FAHD2B: variants seen among roughly 807,000 people sequenced by gnomAD.
The protein encoded by FAHD2B is oxaloacetate tautomerase FAHD2B, mitochondrial.
A neutral mutation model predicts 33.7 loss-of-function variants in FAHD2B; 26 were observed. The ratio of observed to expected loss-of-function variants is 0.77; its 90% CI spans 0.57 to 1.07. The LOEUF (loss-of-function observed/expected upper bound fraction) is 1.07, where lower values mean the gene tolerates loss of function less well. Among genes scored for constraint, FAHD2B ranks in the 50% least tolerant of loss-of-function variants. The pLI is 0.00. For synonymous variants in FAHD2B, 108 were observed against 150.9 expected (o/e 0.72, Z 2.08); for missense variants, 272 against 388.1 (o/e 0.70, Z 2.51).
chr2:97,090,457 A>C, intron 3 of FAHD2B, 132 bp from the exon 4 acceptor site: 4 of 1,458,390 alleles, frequency 2.7e-6, no homozygotes, highest in Non-Finnish European at 3.6e-6. Flanking sequence ...CAACCATCAG[A>C]GTCAGTGTGA....
chr2:97,081,411 G>A (rs1489764624), downstream of FAHD2B: 6 of 1,548,948 alleles, frequency 3.9e-6, no homozygotes, highest in Admixed American at 9.8e-5. Flanking sequence ...GCTCTCCTGA[G>A]GCCACATGGG....
intron 4 of FAHD2B, among the ~76,000 whole-genome samples, chr2:97,087,205 C>A (rs1384881931): frequency 6.6e-6 from 1 of 151,884 alleles, no homozygotes; most frequent in Non-Finnish European, 1.5e-5. Context: ...GCACCTGCCA[C>A]CACGCCTGGC....
intron 6 of FAHD2B, among the ~76,000 whole-genome samples, chr2:97,084,907 TG>T (rs1381891679): frequency 1.0e-5 from 1 of 98,096 alleles, no homozygotes; most frequent in African/African-American, 6.1e-5. Context: ...AGTAAGACCA[TG>T]CCAAAAAAAA....
chr2:97,084,986 G>GT (rs1258974631), intron 6 of FAHD2B, among the ~76,000 whole-genome samples: 2 of 151,892 alleles, frequency 1.3e-5, no homozygotes, highest in African/African-American at 4.8e-5. Context: ...GAAGCCTCGT[G>GT]TATCAGCCGC....
intron 1 of FAHD2B, among the ~76,000 whole-genome samples, chr2:97,092,849 T>C (rs1469036247): frequency 6.6e-6 from 1 of 150,472 alleles, no homozygotes; most frequent in African/African-American, 2.4e-5. Context: ...GGCGGGCACC[T>C]GTAATCCCAG....
chr2:97,089,778 A>G (rs2153383323), intron 4 of FAHD2B: 1 of 395,660 alleles, frequency 2.5e-6, no homozygotes, highest in Non-Finnish European at 4.7e-6. Flanking sequence ...TATGTACAGT[A>G]TAAACATATA....
intron 5 of FAHD2B, 28 bp downstream of exon 5, chr2:97,086,111 G>C (rs2031968150): frequency 6.2e-7 from 1 of 1,611,638 alleles, no homozygotes; most frequent in Non-Finnish European, 8.5e-7. Flanking sequence ...CTGCACTCTG[G>C]CCTGGGAGCC....
chr2:97,083,409 T>A (rs1191738617), downstream of FAHD2B, among the ~76,000 whole-genome samples: 3 of 152,120 alleles, frequency 2.0e-5, no homozygotes, highest in Admixed American at 6.6e-5. Flanking sequence ...CTCTTGCTTT[T>A]TCCCTCCTTT....
At chr2:97,091,292 T>C (rs1430447969) in intron 3 of FAHD2B, among the ~76,000 whole-genome samples, 170 bp downstream of exon 3, 1 of 138,736 alleles carries the variant, frequency 7.2e-6, no homozygotes, top group African/African-American at 2.7e-5. Flanking sequence ...AAACTGAAGA[T>C]GTTATTATGT....
chr2:97,082,142 G>A (rs1408717335), downstream of FAHD2B: 4 of 1,563,536 alleles, frequency 2.6e-6, 1 homozygote, highest in African/African-American at 5.8e-5. Flanking sequence ...CCCCTGGAGG[G>A]AGGTGGTAGG....
chr2:97,088,637 CT>C lies in FAHD2B; in HGVS notation c.462+1471del, dbSNP rs1381610846. ...AGCAAGAAAACAGACTAATACAGCC[CT>C]TTAAGAAAAAGTCTATGGAACCCTG... On this transcript the variant is annotated intron_variant, in intron 4 of 8. Coordinates refer to ENST00000414820, the MANE Select transcript of FAHD2B (RefSeq NM_001320848.2). Among the ~76,000 whole-genome samples, 4 of 145,070 alleles carry C rather than the reference CT, an allele frequency of 2.8e-5. No individual in the cohort carries two copies. The East Asian group carries it at 5.9e-4, about 21-fold the overall frequency.
chr2:97,083,575 A>G, downstream of FAHD2B: 1 of 1,119,896 alleles, frequency 8.9e-7, no homozygotes, highest in East Asian at 2.6e-5. Context: ...AAACAGCACA[A>G]GCCAAGCTGC....
At chr2:97,085,905 G>A in intron 5 of FAHD2B, 44 bp from the exon 6 acceptor site, 1 of 1,611,514 alleles carries the variant, frequency 6.2e-7, no homozygotes, top group Non-Finnish European at 8.5e-7. Context: ...TTAGATCACG[G>A]GTGACACCAA....
intron 1 of FAHD2B, among the ~76,000 whole-genome samples, chr2:97,092,364 C>T (rs1052891474): frequency 6.6e-6 from 1 of 152,142 alleles, no homozygotes; most frequent in Admixed American, 6.6e-5. Flanking sequence ...CCCCACCTGC[C>T]TCCCCAGATA....
chr2:97,090,760 GTCC>G (rs2032291568), intron 3 of FAHD2B, among the ~76,000 whole-genome samples: 1 of 151,506 alleles, frequency 6.6e-6, no homozygotes, highest in African/African-American at 2.4e-5. Flanking sequence ...CATAGAGAGT[GTCC>G]TCTTTATTTC....
Position 97,086,099 on chromosome 2 carries a change from T to C in FAHD2B, c.522+40A>G, listed in dbSNP as rs1435541834. 7.5e-6 allele frequency: 12 copies of C among 1,608,926 alleles called. No homozygotes were observed. In the East Asian group the frequency reaches 2.7e-4, roughly 36 times the overall value. On this transcript the variant is annotated intron_variant, in intron 5 of 8. Transcript: ENST00000414820. ...TAGGAGAGGCAGGAGCTGGGGCCTC[T>C]GCTGCACTCTGGCCTGGGAGCCCAC...
downstream of FAHD2B, chr2:97,081,394 G>T: frequency 6.4e-7 from 1 of 1,551,582 alleles, no homozygotes; most frequent in Non-Finnish European, 8.7e-7. Context: ...CCCTGCCCAT[G>T]TGCCTGGCTC....
chr2:97,091,187 G>A (rs2032311808), intron 3 of FAHD2B, among the ~76,000 whole-genome samples: 1 of 92,820 alleles, frequency 1.1e-5, no homozygotes, highest in Non-Finnish European at 2.9e-5. Flanking sequence ...CCCAGAGGAG[G>A]CAGTGTGATG....
Position 97,084,216 on chromosome 2 carries a change from G to C in FAHD2B, c.747C>G (p.Thr249=), listed in dbSNP as rs534709393. 2 of 1,613,790 alleles carry C rather than the reference G, an allele frequency of 1.2e-6. No homozygotes were observed. The highest frequency in any genetic ancestry group is 1.3e-5 in the African/African-American group (1 of 75,032). Residue 249 remains threonine (T), a synonymous_variant, in exon 7 of 9, where the codon ACC becomes ACG. Coordinates refer to ENST00000414820, the MANE Select transcript of FAHD2B (RefSeq NM_001320848.2). ...CCTCTGTCTTGAATACCATCTGGTT[G>C]GTGTTGCTGCTCTGGACGACTTCCC... ...VNGEVVQSSN[T]NQMVFKTEDL... is the part of the protein sequence containing the mutation.
Sources: allele counts gnomAD v4.1 joint callset (sites outside exome capture counted in the v4.1 genomes callset), GRCh38; gene constraint gnomAD v4.1.1; transcripts MANE v1.5; gene names NCBI Gene and HGNC (gene_info 2026-07-23, HGNC 2026-07-21).